CECR2: variants seen among roughly 807,000 people sequenced by gnomAD.
The protein encoded by CECR2 is chromatin remodeling regulator CECR2.
In CECR2, 30 loss-of-function variants were observed where a neutral mutation model predicts 154.5. That is an observed-to-expected ratio of 0.19 (90% CI 0.15 to 0.26). CECR2 has a LOEUF of 0.26. CECR2 is among the 10% of genes least tolerant of loss of function. The pLI, the probability that CECR2 is intolerant of heterozygous loss-of-function variation, is 1.00. For synonymous variants in CECR2, 725 were observed against 683.7 expected, an observed-to-expected ratio of 1.06 and a Z score of -0.94; for missense variants, 1,743 against 1,829.3, an observed-to-expected ratio of 0.95 and a Z score of 0.86.
intron 2 of CECR2, 96 bp from the exon 3 acceptor site, chr22:17,497,307 G>T (rs527430651): frequency 2.7e-4 from 347 of 1,280,332 alleles, no homozygotes; most frequent in Non-Finnish European, 3.6e-4. Context: ...ACAAAAATCT[G>T]TTAGCTGTCA....
At chr22:17,550,642 C>A (rs1015635820) in intron 17 of CECR2, among the ~76,000 whole-genome samples, 7 of 152,240 alleles carry the variant, frequency 4.6e-5, no homozygotes, top group Admixed American at 2.6e-4. Context: ...TCGATAGATA[C>A]AAATGAAAGT....
At chr22:17,415,120 T>G (rs555090190) in intron 1 of CECR2, among the ~76,000 whole-genome samples, 1 of 152,212 alleles carries the variant, frequency 6.6e-6, no homozygotes, top group Non-Finnish European at 1.5e-5. Context: ...CACTATAAAG[T>G]CATTACATGA....
chr22:17,522,114 TCTGTTTTGGTACCAGTACCATG>T (rs2056169635), intron 8 of CECR2, among the ~76,000 whole-genome samples: 1 of 152,182 alleles, frequency 6.6e-6, no homozygotes, highest in Non-Finnish European at 1.5e-5. Flanking sequence ...GGTCTATATC[TCTGTTTTGGTACCAGTACCATG>T]CTGTTTTGGT....
chr22:17,551,053 A>G (rs1296801), intron 17 of CECR2, among the ~76,000 whole-genome samples: 20,454 of 152,154 alleles, frequency 0.13, 1,795 homozygotes, highest in Non-Finnish European at 0.19. Flanking sequence ...CCTCTCTACT[A>G]TTTAACATTT....
chr22:17,500,545 T>C (rs571846105), intron 4 of CECR2, 86 bp from the exon 5 acceptor site: 101 of 977,318 alleles, frequency 1.0e-4, no homozygotes, highest in Non-Finnish European at 1.5e-4. Flanking sequence ...TTTTTGGTAA[T>C]CTCATGGCCA....
intron 9 of CECR2, among the ~76,000 whole-genome samples, chr22:17,529,194 A>G (rs772425119): frequency 5.9e-5 from 9 of 152,182 alleles, no homozygotes; most frequent in African/African-American, 4.8e-5. Context: ...TGCAGACAAG[A>G]GCAGAGGCAC....
chr22:17,542,940 G>T lies in CECR2; in HGVS notation c.2797G>T (p.Ala933Ser), dbSNP rs764701990. Residue 933 changes from alanine (A) to serine (S), a missense_variant, in exon 16 of 19, where the codon GCC (alanine) becomes TCC (serine). Transcript: ENST00000262608. ...MSVTVSAPKP[A>S]LGNPGRAPEN... ...AGTCACTGTGTCAGCCCCCAAGCCT[G>T]CCCTGGGCAACCCTGGGAGGGCACC... is the stretch of plus-strand genomic sequence containing the variant. 9 of 1,613,732 alleles carry T rather than the reference G, an allele frequency of 5.6e-6. No individual in the cohort carries two copies. The highest frequency in any genetic ancestry group is 3.3e-5 in the South Asian group (3 of 91,072).
At chr22:17,416,768 C>T (rs2054161517) in intron 1 of CECR2, among the ~76,000 whole-genome samples, 1 of 152,162 alleles carries the variant, frequency 6.6e-6, no homozygotes, top group African/African-American at 2.4e-5. Context: ...TCCCAAAGTG[C>T]TGGGATTACA....
At chr22:17,421,666 G>A (rs368302194) in intron 1 of CECR2, among the ~76,000 whole-genome samples, 4 of 135,394 alleles carry the variant, frequency 3.0e-5, no homozygotes, top group Admixed American at 8.1e-5. Flanking sequence ...GGTGGCAGGC[G>A]CCTGTTATCC....
chr22:17,482,679 G>A (rs1436411346), intron 2 of CECR2, among the ~76,000 whole-genome samples: 1 of 151,346 alleles, frequency 6.6e-6, no homozygotes, highest in African/African-American at 2.4e-5. Flanking sequence ...GACTCCAGGC[G>A]TGCACCACCA....
At chr22:17,530,748 G>A (rs1340314827) in intron 9 of CECR2, among the ~76,000 whole-genome samples, 2 of 151,922 alleles carry the variant, frequency 1.3e-5, no homozygotes, top group South Asian at 4.1e-4. Flanking sequence ...GTGGATAAAA[G>A]GAGAACCTGA....
chr22:17,492,967 ATATTT>A (rs1166433161), intron 2 of CECR2, among the ~76,000 whole-genome samples: 7 of 151,788 alleles, frequency 4.6e-5, no homozygotes, highest in Non-Finnish European at 8.8e-5. Context: ...ATTTTACTTT[ATATTT>A]TATTTTATTT....
rs554165872 is a variant in CECR2, at chr22:17,542,826, G to A, written c.2683G>A (p.Val895Ile). 30 of 1,613,746 alleles carry A rather than the reference G, an allele frequency of 1.9e-5. No homozygotes were observed. Among genetic ancestry groups the A allele is most frequent in the Middle Eastern group, 3.3e-4 (2 of 6,058 alleles). The change falls in exon 16 of 19, where the codon GTC becomes ATC. Residue 895 changes from valine (V) to isoleucine (I), a missense_variant. Physicochemically the swap from Val to Ile is conservative, Grantham distance 29. Around this residue, in one of 4 missense-constraint regions of CECR2, gnomAD observed 1,250 missense variants for 1,192.1 expected, o/e 1.05. Transcript: ENST00000262608. ...MIAMQQLSSRVCPPGVPYHPH... is the reference protein window; with the variant it reads ...MIAMQQLSSRICPPGVPYHPH... ...TGCGATGCAGCAGCTCTCCTCCCGC[G>A]TCTGCCCCCCAGGTGTGCCTTACCA... is the stretch of plus-strand genomic sequence containing the variant.
intron 18 of CECR2, 132 bp downstream of exon 18, chr22:17,552,274 T>C: frequency 2.7e-6 from 2 of 743,728 alleles, no homozygotes; most frequent in Non-Finnish European, 4.4e-6. Context: ...TGTATCGTGC[T>C]TCCTTGGCAC....
intron 4 of CECR2, 75 bp from the exon 5 acceptor site, chr22:17,500,556 G>C (rs2055718785): frequency 8.9e-7 from 1 of 1,127,704 alleles, no homozygotes. Context: ...CTCATGGCCA[G>C]AAATACTGTT....
At chr22:17,375,489 A>G (rs1442657320) in intron 1 of CECR2, among the ~76,000 whole-genome samples, 1 of 152,120 alleles carries the variant, frequency 6.6e-6, no homozygotes, top group African/African-American at 2.4e-5. Flanking sequence ...ATAATAGAGA[A>G]ATACCTGCTT....
Position 17,524,228 on chromosome 22 carries a change from A to G in CECR2, c.1065A>G (p.Glu355=), listed in dbSNP as rs557048827. The change falls in exon 9 of 19, where the codon GAA becomes GAG. Residue 355 remains glutamate, a synonymous_variant. Transcript: ENST00000262608. ...QKKEQEQMLK[E]ERKRELEEKV... is the part of the protein sequence containing the mutation. ...AGGAGCAGGAGCAGATGCTAAAGGA[A>G]GAGAGGAAACGCGAGTTGGAGGAGA... 33 of 1,610,114 alleles carry G rather than the reference A, an allele frequency of 2.0e-5. No individual in the cohort carries two copies. The South Asian group carries it at 3.2e-4, about 16-fold the overall frequency.
At chr22:17,483,895 G>T (rs989634035) in intron 2 of CECR2, among the ~76,000 whole-genome samples, 1 of 152,290 alleles carries the variant, frequency 6.6e-6, no homozygotes, top group East Asian at 1.9e-4. Context: ...GCTTTATACA[G>T]ATACACCATT....
chr22:17,452,112 G>A (rs557848996), intron 1 of CECR2, among the ~76,000 whole-genome samples: 1 of 152,162 alleles, frequency 6.6e-6, no homozygotes, highest in South Asian at 2.1e-4. Context: ...TGGCTCTTTC[G>A]CCCAGCCTGG....
Sources: gnomAD v4.1 joint callset for allele counts (sites outside exome capture counted in the v4.1 genomes callset) on GRCh38, gnomAD v4.1.1 for gene constraint, gnomAD v4.1.1 regional missense constraint, MANE v1.5 for transcripts, NCBI Gene and HGNC (gene_info 2026-07-23, HGNC 2026-07-21) for gene names.